PLEKHA7: variants seen among roughly 807,000 people sequenced by gnomAD.
PLEKHA7 encodes pleckstrin homology domain containing A7.
A neutral mutation model predicts 170.0 loss-of-function variants in PLEKHA7; 104 were observed. That is an observed-to-expected ratio of 0.61 (90% CI 0.52 to 0.72). The LOEUF (loss-of-function observed/expected upper bound fraction) is 0.72, where lower values mean the gene tolerates loss of function less well. Ranked by LOEUF, PLEKHA7 falls within the 30% of genes least tolerant of loss-of-function variation. The probability of loss-of-function intolerance (pLI) is 0.00; values close to 1 mark genes in which losing one functional copy is unlikely to be tolerated. For missense variants in PLEKHA7, 1,615 were observed against 1,671.7 expected (o/e 0.97, Z 0.59); for synonymous variants, 648 against 660.8 (o/e 0.98, Z 0.30).
chr11:16,962,986 T>C (rs1222732389), intron 3 of PLEKHA7, among the ~76,000 whole-genome samples: 1 of 152,240 alleles, frequency 6.6e-6, no homozygotes, highest in Non-Finnish European at 1.5e-5. Context: ...TTCCTCCCAC[T>C]GCAAGACAAT....
At chr11:16,880,080 T>C (rs1201079329) in intron 3 of PLEKHA7, among the ~76,000 whole-genome samples, 2 of 152,212 alleles carry the variant, frequency 1.3e-5, no homozygotes, top group Non-Finnish European at 2.9e-5. Flanking sequence ...AATTTTCTTT[T>C]TTAAGGAAGT....
At chr11:16,804,519 AG>A (rs2134443359) in intron 13 of PLEKHA7, among the ~76,000 whole-genome samples, 1 of 152,322 alleles carries the variant, frequency 6.6e-6, no homozygotes, top group South Asian at 2.1e-4. Context: ...GCAAATCCAA[AG>A]GTCAAGGGAG....
chr11:16,906,280 A>AAGGAAGGAAGGG (rs1441424486), intron 3 of PLEKHA7, among the ~76,000 whole-genome samples: 1 of 116,666 alleles, frequency 8.6e-6, no homozygotes, highest in African/African-American at 3.5e-5. Context: ...GGAAGGAAGG[A>AAGGAAGGAAGGG]AAGAAAGAAA....
chr11:16,887,667 AT>A (rs1314461067), intron 3 of PLEKHA7, among the ~76,000 whole-genome samples: 1 of 152,192 alleles, frequency 6.6e-6, no homozygotes, highest in Admixed American at 6.5e-5. Flanking sequence ...AAGTGCTGGA[AT>A]TGCAGACGGA....
rs1405743526 is a variant in PLEKHA7 at position 16,786,277 on chromosome 11, A to G, written c.3468T>C (p.Thr1156=). 2.0e-6 allele frequency: 3 copies of G among 1,536,026 alleles called. No individual in the cohort carries two copies. In the African/African-American group the frequency reaches 4.1e-5, roughly 21 times the overall value. The part of the protein sequence containing the change: ...GWLKVQAMPV[T]ELDLEPQDYD... Reference sequence around the variant, plus strand: ...AGTCTTGAGGCTCCAGGTCCAACTCAGTGACAGGCATGGCCTGCACTTTCA... The same window carrying G: ...AGTCTTGAGGCTCCAGGTCCAACTCGGTGACAGGCATGGCCTGCACTTTCA... Residue 1156 remains threonine, a synonymous_variant, in exon 24 of 27, where the codon ACT becomes ACC. Transcript: ENST00000531066.
chr11:16,810,342 G>C (rs1338598058), intron 13 of PLEKHA7, among the ~76,000 whole-genome samples: 1 of 152,200 alleles, frequency 6.6e-6, no homozygotes, highest in East Asian at 1.9e-4. Context: ...AGTCTGAGCA[G>C]GGCAGAGCAG....
At chr11:16,847,515 G>A (rs188277343) in intron 8 of PLEKHA7, among the ~76,000 whole-genome samples, 2,064 of 152,218 alleles carry the variant, frequency 0.014, 155 homozygotes, top group Admixed American at 0.12. Context: ...AGAGATATAA[G>A]CTGGGGCCTC....
chr11:16,886,659 G>A (rs563942201), intron 3 of PLEKHA7, among the ~76,000 whole-genome samples: 50 of 150,630 alleles, frequency 3.3e-4, no homozygotes. Context: ...TGCAGTGAGT[G>A]GAGATCACGC....
intron 3 of PLEKHA7, among the ~76,000 whole-genome samples, chr11:16,914,402 C>T (rs16933680): frequency 0.12 from 18,095 of 152,188 alleles, 1,264 homozygotes; most frequent in Admixed American, 0.17. Flanking sequence ...AGAAAGCAAA[C>T]CGGTGACACT....
At chr11:17,003,501 G>A (rs1590829230) in intron 3 of PLEKHA7, among the ~76,000 whole-genome samples, 1 of 152,328 alleles carries the variant, frequency 6.6e-6, no homozygotes, top group African/African-American at 2.4e-5. Context: ...TTTACAATGT[G>A]CCAGTAAACG....
chr11:16,825,348 A>G (rs958420308), intron 10 of PLEKHA7, among the ~76,000 whole-genome samples: 3 of 152,232 alleles, frequency 2.0e-5, no homozygotes, highest in African/African-American at 4.8e-5. Flanking sequence ...ATGCTGGCGC[A>G]TCCGCTGCAA....
chr11:17,002,331 G>C (rs1199073389), intron 3 of PLEKHA7, among the ~76,000 whole-genome samples: 1 of 151,988 alleles, frequency 6.6e-6, no homozygotes, highest in Non-Finnish European at 1.5e-5. Context: ...TTGAGCCCAG[G>C]AGTTTGAAGT....
chr11:16,810,541 T>C (rs971561064), intron 13 of PLEKHA7, among the ~76,000 whole-genome samples: 2 of 152,242 alleles, frequency 1.3e-5, no homozygotes, highest in African/African-American at 4.8e-5. Flanking sequence ...GGAGAGGAAC[T>C]TAGCAACCGG....
At chr11:16,841,868 G>T in intron 8 of PLEKHA7, 146 bp from the exon 9 acceptor site, 1 of 769,180 alleles carries the variant, frequency 1.3e-6, no homozygotes, top group Non-Finnish European at 2.0e-6. Flanking sequence ...AACATCATAG[G>T]CTAGATTTCT....
chr11:16,819,488 A>T (rs1350218684), intron 10 of PLEKHA7, among the ~76,000 whole-genome samples: 1 of 152,234 alleles, frequency 6.6e-6, no homozygotes, highest in Non-Finnish European at 1.5e-5. Flanking sequence ...ATGTTGTAAA[A>T]AGAGAACAAG....
intron 10 of PLEKHA7, among the ~76,000 whole-genome samples, chr11:16,818,816 T>C (rs10832687): frequency 2.6e-5 from 4 of 152,100 alleles, no homozygotes; most frequent in African/African-American, 9.7e-5. Flanking sequence ...CTTTTTTTTC[T>C]TTTTTGAGAC....
intron 3 of PLEKHA7, among the ~76,000 whole-genome samples, chr11:16,892,740 G>A (rs543117943): frequency 2.6e-5 from 4 of 151,040 alleles, no homozygotes; most frequent in African/African-American, 7.3e-5. Context: ...CAAAGTGCTG[G>A]AATTACATGC....
chr11:16,787,005 A>G, intron 23 of PLEKHA7: 1 of 985,184 alleles, frequency 1.0e-6, no homozygotes, highest in Non-Finnish European at 1.2e-6. Flanking sequence ...ATTAGAAAAA[A>G]AAACTAAATC....
At chr11:16,909,521 C>T (rs1423582764) in intron 3 of PLEKHA7, among the ~76,000 whole-genome samples, 1 of 152,172 alleles carries the variant, frequency 6.6e-6, no homozygotes, top group Non-Finnish European at 1.5e-5. Context: ...GGGCCTGCTC[C>T]CCACCACACT....
Sources: allele counts gnomAD v4.1 joint callset (sites outside exome capture counted in the v4.1 genomes callset), GRCh38; gene constraint gnomAD v4.1.1; transcripts MANE v1.5; gene names NCBI Gene and HGNC (gene_info 2026-07-23, HGNC 2026-07-21).